The following RGS9 variants were observed in gnomAD, a reference collection of about 807,000 sequenced individuals.
RGS9 encodes regulator of G protein signaling 9, also known as regulator of G-protein signalling 9.
In RGS9, 78 loss-of-function variants were observed where a neutral mutation model predicts 102.0. That is an observed-to-expected ratio of 0.76 (90% confidence interval 0.64 to 0.92). The LOEUF (loss-of-function observed/expected upper bound fraction) is 0.92. Ranked by LOEUF, RGS9 falls within the 40% of genes least tolerant of loss-of-function variation. The pLI is 0.00. For synonymous variants in RGS9, 353 were observed against 318.6 expected (o/e 1.11, Z -1.15); for missense variants, 833 against 866.1 (o/e 0.96, Z 0.48).
intron 1 of RGS9, among the ~76,000 whole-genome samples, chr17:65,147,962 G>A: frequency 6.6e-6 from 1 of 152,064 alleles, no homozygotes; most frequent in East Asian, 1.9e-4. Context: ...AAAACTTTAA[G>A]TGCACAATAC....
rs1036781333 is a variant in RGS9, at chr17:65,189,314, A to G, written c.683A>G (p.Glu228Gly). Reference sequence around the variant, plus strand: ...CAAACAGTCGTTGCTGTCAAAAAAGAGGTAATTAGTCTTACACTTCCAGTG... The same window carrying G: ...CAAACAGTCGTTGCTGTCAAAAAAGGGGTAATTAGTCTTACACTTCCAGTG... ...QKQTVVAVKK[E>G]IMYYQQALMR... Residue 228 changes from glutamate to glycine, a missense_variant and splice_region_variant, in exon 10 of 19, where the codon GAG becomes GGG. This residue lies in a region of RGS9 where 328 missense variants were observed against 340.6 expected (regional missense o/e 0.96). Coordinates refer to ENST00000262406, the MANE Select transcript of RGS9 (RefSeq NM_003835.4). 10 of 1,609,250 alleles carry G rather than the reference A, an allele frequency of 6.2e-6. No individual in the cohort carries two copies. The highest frequency in any genetic ancestry group is 1.3e-5 in the African/African-American group (1 of 74,824).
Position 65,225,648 on chromosome 17 carries a change from TCA to T in RGS9, c.1892+163_1892+164del. ...TGGCCACTGGAAGATATTCAGAAAC[TCA>T]GTTTTGTCCTCTGCTGTCCTCCCGA... On this transcript the variant is annotated intron_variant, in intron 18 of 18. Transcript: ENST00000262406. 4.1e-6 allele frequency: 4 copies of T among 974,908 alleles called. No individual in the cohort carries two copies. In the South Asian group the frequency reaches 5.7e-5, roughly 14 times the overall value. 60.4% of individuals were successfully genotyped at this position (974,908 alleles called of 1,614,324 possible). A position where few individuals can be genotyped will look rare whatever the true frequency, so the allele number is the denominator to read the frequency against.
rs1217746712 is a variant in RGS9 at position 65,137,374 on chromosome 17, A to G, written c.-167A>G. On this transcript the variant is annotated 5_prime_UTR_variant, in exon 1 of 19. Coordinates refer to ENST00000262406, the MANE Select transcript of RGS9 (RefSeq NM_003835.4). ...GCGGATTCCAGCTGCTTTCCAAGTC[A>G]GCGGCGCCTAGTGAGAGTCAGGGGG... is the stretch of plus-strand genomic sequence containing the variant. 7.6e-6 allele frequency: 5 copies of G among 660,120 alleles called. No individual in the cohort carries two copies. In the African/African-American group the frequency reaches 9.1e-5, roughly 12 times the overall value. 40.9% of individuals were successfully genotyped at this position (660,120 alleles called of 1,614,324 possible). A position where few individuals can be genotyped will look rare whatever the true frequency, so the allele number is the denominator to read the frequency against.
chr17:65,212,341 C>A (rs1384807676), intron 17 of RGS9, among the ~76,000 whole-genome samples: 1 of 151,998 alleles, frequency 6.6e-6, no homozygotes, highest in Admixed American at 6.6e-5. Flanking sequence ...AAATGCCTGC[C>A]CAAGGATTAT....
Position 65,211,930 on chromosome 17 carries a change from T to C in RGS9, c.1407+1325T>C, listed in dbSNP as rs114331136. ...TCAGCAAGTGTTCATTGTTCATGCA[T>C]GTGGGGTCATCTGTGTGGCTCTGTG... On this transcript the variant is annotated intron_variant, in intron 17 of 18. Coordinates refer to ENST00000262406, the MANE Select transcript of RGS9 (RefSeq NM_003835.4). 2.3e-3 allele frequency among the ~76,000 whole-genome samples: 349 copies of C among 152,328 alleles called. 1 individual carries two copies. The highest frequency in any genetic ancestry group is 7.9e-3 in the African/African-American group (328 of 41,578).
intron 8 of RGS9, among the ~76,000 whole-genome samples, chr17:65,170,578 T>C (rs1322284957): frequency 6.6e-6 from 1 of 152,170 alleles, no homozygotes; most frequent in Non-Finnish European, 1.5e-5. Context: ...TGTCATGTGA[T>C]ATCTTGGTAC....
At chr17:65,187,768 C>T (rs775859559) in intron 9 of RGS9, among the ~76,000 whole-genome samples, 2 of 152,260 alleles carry the variant, frequency 1.3e-5, no homozygotes, top group East Asian at 1.9e-4. Context: ...GAGGCCAAGG[C>T]GGGCGGATCA....
chr17:65,182,576 A>C (rs534555437), intron 9 of RGS9, among the ~76,000 whole-genome samples: 1 of 152,352 alleles, frequency 6.6e-6, no homozygotes, highest in East Asian at 1.9e-4. Flanking sequence ...GGCTTTTAGA[A>C]GTTTTTCTGC....
At chr17:65,193,481 T>A in intron 11 of RGS9, 62 bp from the exon 12 acceptor site, 1 of 980,122 alleles carries the variant, frequency 1.0e-6, no homozygotes, top group South Asian at 1.3e-5. Flanking sequence ...AGTTGACCTG[T>A]GTATTGATGT....
chr17:65,223,746 G>A lies in RGS9; in HGVS notation c.1408-1256G>A, dbSNP rs79735232. On this transcript the variant is annotated intron_variant, in intron 17 of 18. Coordinates refer to ENST00000262406, the MANE Select transcript of RGS9 (RefSeq NM_003835.4). ...ACCAGAGCATCCCCAGCTTGTTCAT[G>A]CCAGGCTTTTTTTTTTTTTTTTAAG... 3.4e-3 allele frequency among the ~76,000 whole-genome samples: 491 copies of A among 145,964 alleles called. 4 individuals carry two copies. The highest frequency in any genetic ancestry group is 0.013 in the African/African-American group (464 of 36,928).
intron 10 of RGS9, among the ~76,000 whole-genome samples, 179 bp downstream of exon 10, chr17:65,189,494 G>C (rs982109895): frequency 6.6e-6 from 1 of 152,198 alleles, no homozygotes; most frequent in Non-Finnish European, 1.5e-5. Context: ...GCTCTGGCTG[G>C]GGCTGGGGCT....
At position 65,227,643 on chromosome 17, in the gene RGS9, A is replaced by C; in HGVS notation, c.*236A>C. The C allele has an allele frequency of 7.0e-6, 4 of 571,496 alleles. No homozygotes were observed. In the South Asian group the frequency reaches 8.0e-5, roughly 11 times the overall value. 35.4% of individuals were successfully genotyped at this position (571,496 alleles called of 1,614,324 possible). On this transcript the variant is annotated 3_prime_UTR_variant, in exon 19 of 19. Transcript: ENST00000262406. ...CCCTGGGCAGAAGAAACGCATGTGG[A>C]CCAGAAGACTTTCCCTGCTGCCTTA... is the stretch of plus-strand genomic sequence containing the variant.
rs1024582720 is a variant in RGS9, at chr17:65,213,531, GGTGGTGGTGAGT to G, written c.1407+2938_1407+2949del. On this transcript the variant is annotated intron_variant, in intron 17 of 18. Coordinates refer to ENST00000262406, the MANE Select transcript of RGS9 (RefSeq NM_003835.4). ...GGGTGGTGGTGAGCATGTTGTTGAG[GGTGGTGGTGAGT>G]GTGGTGGTGAGGGTGGTGGTGAGTG... is the stretch of plus-strand genomic sequence containing the variant. Among the ~76,000 whole-genome samples, 553 of 151,446 alleles carry G rather than the reference GGTGGTGGTGAGT, an allele frequency of 3.7e-3. 11 individuals are homozygous for G. In the East Asian group the frequency reaches 0.06, roughly 16 times the overall value.
chr17:65,139,798 T>C (rs1910086798), intron 1 of RGS9, among the ~76,000 whole-genome samples: 1 of 152,252 alleles, frequency 6.6e-6, no homozygotes, highest in African/African-American at 2.4e-5. Flanking sequence ...GTATCCTCTA[T>C]ATCTATGTAT....
chr17:65,203,669 C>A (rs1452038542), intron 14 of RGS9, among the ~76,000 whole-genome samples: 2 of 152,184 alleles, frequency 1.3e-5, no homozygotes, highest in East Asian at 3.9e-4. Context: ...GCCTGTCTGC[C>A]CAGCGGGTCA....
chr17:65,198,259 CT>C (rs56726922), intron 13 of RGS9, among the ~76,000 whole-genome samples: 4,327 of 145,168 alleles, frequency 0.03, 192 homozygotes, highest in African/African-American at 0.095. Context: ...GGAACTGTGA[CT>C]TTTTTTTTTT....
At chr17:65,202,503 C>A (rs902988218) in intron 14 of RGS9, among the ~76,000 whole-genome samples, 4 of 148,976 alleles carry the variant, frequency 2.7e-5, no homozygotes, top group African/African-American at 1.0e-4. Context: ...AGATGGGAAA[C>A]CTATTCCTCA....
In RGS9 at chr17:65,137,660, C is replaced by G. The variant is rs1051914591; in HGVS notation, c.57+63C>G. The G allele has an allele frequency of 3.9e-6, 6 of 1,551,516 alleles. No homozygotes were observed. In the East Asian group the frequency reaches 1.4e-4, roughly 35 times the overall value. On this transcript the variant is annotated intron_variant, in intron 1 of 18. Transcript: ENST00000262406. ...CGGGGGACCGCATCTGCGAAGCGTC[C>G]GAGGACAAGAGGGGCAGGAGTGGAG...
Position 65,160,845 on chromosome 17 carries a change from T to C in RGS9, c.365-6T>C. ...TGATGGAAAATGTCATTGCTTTCTT[T>C]TCCAGCCATCTATCTGGCCAAGCGA... On this transcript the variant is annotated splice_region_variant and splice_polypyrimidine_tract_variant and intron_variant, in intron 5 of 18. Transcript: ENST00000262406. 3.1e-6 allele frequency: 5 copies of C among 1,613,738 alleles called. No individual in the cohort carries two copies. The highest frequency in any genetic ancestry group is 4.2e-6 in the Non-Finnish European group (5 of 1,179,608).
Sources: allele counts gnomAD v4.1 joint callset (sites outside exome capture counted in the v4.1 genomes callset), GRCh38; gene constraint gnomAD v4.1.1; regional missense constraint gnomAD v4.1.1; transcripts MANE v1.5; gene names NCBI Gene and HGNC (gene_info 2026-07-23, HGNC 2026-07-21).